MGAT4C: variants seen among roughly 807,000 people sequenced by gnomAD.
MGAT4C encodes MGAT4 family member C.
Under a neutral mutation model 40.1 loss-of-function variants are expected in MGAT4C, and 19 were observed. The observed-to-expected ratio is 0.47, with a 90% confidence interval of 0.33 to 0.70. MGAT4C has a LOEUF of 0.70. Ranked by LOEUF, MGAT4C falls within the 30% of genes least tolerant of loss-of-function variation. The pLI, the probability that MGAT4C is intolerant of heterozygous loss-of-function variation, is 0.02. For synonymous variants in MGAT4C, 181 were observed against 187.1 expected (o/e 0.97, Z 0.27); for missense variants, 491 against 563.2 (o/e 0.87, Z 1.30).
intron 2 of MGAT4C, among the ~76,000 whole-genome samples, chr12:86,554,133 T>C (rs1466796431): frequency 6.7e-6 from 1 of 149,884 alleles, no homozygotes. Context: ...TACACATACA[T>C]ACACACACAC....
intron 3 of MGAT4C, among the ~76,000 whole-genome samples, chr12:86,347,750 C>T (rs775408307): frequency 2.4e-4 from 36 of 152,130 alleles, no homozygotes; most frequent in Non-Finnish European, 4.1e-4. Context: ...CAGGAAAAAT[C>T]GGACCATAAG....
chr12:86,817,946 A>G (rs778717229), intron 1 of MGAT4C, among the ~76,000 whole-genome samples: 25 of 151,452 alleles, frequency 1.7e-4, no homozygotes, highest in Non-Finnish European at 2.8e-4. Context: ...CATAATTCTT[A>G]TTTTAAAAAA....
At chr12:86,179,179 T>C (rs1399947755) in intron 1 of MGAT4C, among the ~76,000 whole-genome samples, 2 of 152,170 alleles carry the variant, frequency 1.3e-5, no homozygotes, top group Non-Finnish European at 2.9e-5. Flanking sequence ...CTGATGGGTT[T>C]ATCAGGGGTT....
intron 2 of MGAT4C, among the ~76,000 whole-genome samples, chr12:86,521,143 T>C (rs951877581): frequency 6.6e-6 from 1 of 152,040 alleles, no homozygotes; most frequent in Non-Finnish European, 1.5e-5. Flanking sequence ...AAATACATGC[T>C]TGTTCCTGTG....
At position 86,230,869 on chromosome 12, in the gene MGAT4C, CT is replaced by C. The variant is rs11459552; in HGVS notation, c.-57+25369del. Among the ~76,000 whole-genome samples the C allele has an allele frequency of 6.6e-3, 958 of 144,986 alleles. 5 individuals carry two copies. Among genetic ancestry groups the C allele is most frequent in the Middle Eastern group, 0.011 (3 of 284 alleles). ...AACAGATGACTACTTCAAACACTCC[CT>C]TTTTTTTTTTTTACTTTTTTCCTAA... is the stretch of plus-strand genomic sequence containing the variant. On this transcript the variant is annotated intron_variant, in intron 1 of 4. Coordinates refer to ENST00000611864, the MANE Select transcript of MGAT4C (RefSeq NM_001351288.2).
intron 4 of MGAT4C, among the ~76,000 whole-genome samples, chr12:86,282,026 A>G (rs1319270687): frequency 6.6e-6 from 1 of 152,116 alleles, no homozygotes; most frequent in Non-Finnish European, 1.5e-5. Flanking sequence ...TTATATTTCA[A>G]TTATAGCATT....
chr12:86,397,220 C>A (rs751984553), intron 3 of MGAT4C, among the ~76,000 whole-genome samples: 31 of 152,118 alleles, frequency 2.0e-4, no homozygotes, highest in Non-Finnish European at 3.8e-4. Flanking sequence ...TTCCAAGCAA[C>A]CCTCATAGTA....
intron 1 of MGAT4C, among the ~76,000 whole-genome samples, chr12:86,773,087 A>G (rs1951666768): frequency 6.6e-6 from 1 of 152,150 alleles, no homozygotes; most frequent in Non-Finnish European, 1.5e-5. Flanking sequence ...TCCAATTCAT[A>G]TATTGCAGGC....
At chr12:86,571,090 C>G (rs1442743897) in intron 2 of MGAT4C, among the ~76,000 whole-genome samples, 2 of 152,116 alleles carry the variant, frequency 1.3e-5, no homozygotes, top group African/African-American at 4.8e-5. Context: ...GCTGGGATTA[C>G]AGGAGTGAGC....
chr12:86,119,870 T>C (rs1057296086), intron 1 of MGAT4C, among the ~76,000 whole-genome samples: 10 of 151,956 alleles, frequency 6.6e-5, no homozygotes, highest in Non-Finnish European at 1.5e-4. Flanking sequence ...GGCTTTTCTT[T>C]TTAATAATAT....
intron 3 of MGAT4C, among the ~76,000 whole-genome samples, chr12:86,354,915 G>C (rs1955272535): frequency 6.6e-6 from 1 of 152,220 alleles, no homozygotes; most frequent in Non-Finnish European, 1.5e-5. Context: ...AAGAGCAAAA[G>C]AACAAAGTTT....
chr12:85,982,137 A>G (rs779432913), intron 4 of MGAT4C, among the ~76,000 whole-genome samples: 1 of 152,176 alleles, frequency 6.6e-6, no homozygotes, highest in Admixed American at 6.5e-5. Flanking sequence ...TATTAAGATC[A>G]TGATAGCACT....
intron 2 of MGAT4C, among the ~76,000 whole-genome samples, chr12:86,512,670 T>C (rs1006570474): frequency 2.0e-5 from 3 of 152,084 alleles, no homozygotes; most frequent in African/African-American, 7.2e-5. Flanking sequence ...TAAGTGGAAT[T>C]AGCCAGTCAC....
chr12:85,972,546 G>T lies in MGAT4C; in HGVS notation c.*6743C>A, dbSNP rs529914323. 122 of 151,002 alleles carry T rather than the reference G, an allele frequency of 8.1e-4. 2 individuals carry two copies. The highest frequency in any genetic ancestry group is 2.9e-3 in the African/African-American group (120 of 41,446). The allele number at this position is 151,002 out of a possible 1,614,324, so 9.4% of individuals were successfully genotyped here. ...AACAGTATTAATTGTTAAAGTGTGG[G>T]ATATAGTTTACATTACCGAGTTTAT... On this transcript the variant is annotated 3_prime_UTR_variant, in exon 5 of 5. Transcript: ENST00000611864.
chr12:86,761,087 A>G (rs1181219907), intron 1 of MGAT4C, among the ~76,000 whole-genome samples: 1 of 152,226 alleles, frequency 6.6e-6, no homozygotes, highest in Admixed American at 6.5e-5. Context: ...ATAGAATTCA[A>G]TTATACCTCA....
chr12:85,969,075 A>G lies in MGAT4C; in HGVS notation c.*10214T>C, dbSNP rs1883494938. The G allele has an allele frequency of 6.6e-6, 1 of 151,812 alleles. No homozygotes were observed. Among genetic ancestry groups the G allele is most frequent in the African/African-American group, 2.4e-5 (1 of 41,400 alleles). 9.4% of individuals were successfully genotyped at this position (151,812 alleles called of 1,614,324 possible). A position where few individuals can be genotyped will look rare whatever the true frequency, so the allele number is the denominator to read the frequency against. The stretch of plus-strand genomic sequence containing the variant: ...CATCAGTGTTAACTAAAATACATTG[A>G]AAGTGCCAATTCCTAGATCTATCCT... On this transcript the variant is annotated 3_prime_UTR_variant, in exon 5 of 5. Transcript: ENST00000611864.
chr12:86,490,473 C>T (rs1362530551), intron 2 of MGAT4C, among the ~76,000 whole-genome samples: 2 of 151,808 alleles, frequency 1.3e-5, no homozygotes, highest in Non-Finnish European at 1.5e-5. Flanking sequence ...AAAATCATGC[C>T]AAATTGTAAA....
chr12:86,328,795 A>C (rs1954585176), intron 4 of MGAT4C, among the ~76,000 whole-genome samples: 1 of 152,120 alleles, frequency 6.6e-6, no homozygotes, highest in African/African-American at 2.4e-5. Flanking sequence ...AAAACAACTC[A>C]TAAGCTGACT....
intron 1 of MGAT4C, among the ~76,000 whole-genome samples, chr12:86,191,671 A>ACC (rs1297745532): frequency 4.0e-5 from 5 of 124,212 alleles, no homozygotes; most frequent in Admixed American, 1.6e-4. Context: ...ACACACACAC[A>ACC]CACCCTTATC....
Sources: gnomAD v4.1 joint callset for allele counts (sites outside exome capture counted in the v4.1 genomes callset) on GRCh38, gnomAD v4.1.1 for gene constraint, MANE v1.5 for transcripts, NCBI Gene and HGNC (gene_info 2026-07-23, HGNC 2026-07-21) for gene names.